The following CDK5RAP2 variants were observed in gnomAD, a reference collection of about 807,000 sequenced individuals.
CDK5RAP2 encodes the protein CDK5 regulatory subunit associated protein 2, also known as CDK5 regulatory subunit-associated protein 2.
A neutral mutation model predicts 232.9 loss-of-function variants in CDK5RAP2; 147 were observed. The observed-to-expected ratio is 0.63, with a 90% confidence interval of 0.55 to 0.72. CDK5RAP2 has a LOEUF of 0.72. Among genes scored for constraint, CDK5RAP2 ranks in the 30% least tolerant of loss-of-function variants. The pLI is 0.00. For missense variants in CDK5RAP2, 2,195 were observed against 2,231.5 expected, an observed-to-expected ratio of 0.98 and a Z score of 0.33; for synonymous variants, 833 against 833.7, an observed-to-expected ratio of 1.00 and a Z score of 0.01.
chr9:120,404,275 TG>T (rs1253553050), intron 32 of CDK5RAP2, among the ~76,000 whole-genome samples, 162 bp from the exon 33 acceptor site: 1 of 152,186 alleles, frequency 6.6e-6, no homozygotes, highest in Non-Finnish European at 1.5e-5. Flanking sequence ...CCCACCTTTG[TG>T]GGACACCAGG....
intron 12 of CDK5RAP2, among the ~76,000 whole-genome samples, chr9:120,496,319 C>T (rs2039231208): frequency 2.9e-5 from 4 of 135,914 alleles, no homozygotes; most frequent in South Asian, 2.5e-4. Context: ...CCGCCCCGTC[C>T]GGGAGGGAGG....
At chr9:120,544,147 CAT>C (rs2041747580) in intron 5 of CDK5RAP2, among the ~76,000 whole-genome samples, 3 of 152,260 alleles carry the variant, frequency 2.0e-5, no homozygotes, top group Non-Finnish European at 4.4e-5. Context: ...CACATATAAA[CAT>C]GTGCACAAGC....
In CDK5RAP2 at chr9:120,466,085, T is replaced by A. The variant is rs138136626; in HGVS notation, c.2106+1775A>T. 1.3e-3 allele frequency among the ~76,000 whole-genome samples: 202 copies of A among 152,320 alleles called. 2 individuals are homozygous for A. Among genetic ancestry groups the A allele is most frequent in the African/African-American group, 4.2e-3 (174 of 41,572 alleles). ...AAATATTGGAGAAAAAATACTGAATTTTAAAAATAAAAATATACTTGCTTT... is the reference window on the plus strand; with the variant it reads ...AAATATTGGAGAAAAAATACTGAATATTAAAAATAAAAATATACTTGCTTT... On this transcript the variant is annotated intron_variant, in intron 18 of 37. Coordinates refer to ENST00000349780, the MANE Select transcript of CDK5RAP2 (RefSeq NM_018249.6).
intron 8 of CDK5RAP2, 69 bp downstream of exon 8, chr9:120,529,909 G>A (rs764856287): frequency 8.6e-5 from 124 of 1,433,902 alleles, no homozygotes; most frequent in East Asian, 2.0e-4. Context: ...GACCGAATGC[G>A]CATTCCATCT....
chr9:120,388,995 C>G lies in CDK5RAP2; in HGVS notation c.*241G>C, dbSNP rs530015612. 3.4e-6 allele frequency: 2 copies of G among 587,264 alleles called. No individual in the cohort carries two copies. Among genetic ancestry groups the G allele is most frequent in the Non-Finnish European group, 6.0e-6 (2 of 331,474 alleles). 36.4% of individuals were successfully genotyped at this position (587,264 alleles called of 1,614,324 possible). ...CACAGCCTCAACTCCGGTGCCTGCC[C>G]CTGATCTGAAATACAACATCCAAGA... On this transcript the variant is annotated 3_prime_UTR_variant, in exon 38 of 38. Coordinates refer to ENST00000349780, the MANE Select transcript of CDK5RAP2 (RefSeq NM_018249.6).
At chr9:120,465,836 A>G (rs1340071093) in intron 18 of CDK5RAP2, among the ~76,000 whole-genome samples, 3 of 152,226 alleles carry the variant, frequency 2.0e-5, no homozygotes, top group Non-Finnish European at 4.4e-5. Context: ...GTTTCAGCAC[A>G]TTCATAAGAA....
chr9:120,528,348 C>G (rs2040998697), intron 9 of CDK5RAP2, among the ~76,000 whole-genome samples: 1 of 152,188 alleles, frequency 6.6e-6, no homozygotes, highest in African/African-American at 2.4e-5. Flanking sequence ...ACCTCTCTTC[C>G]GGGCTGTTGT....
intron 34 of CDK5RAP2, among the ~76,000 whole-genome samples, chr9:120,402,135 T>G (rs573652018): frequency 6.6e-6 from 1 of 151,866 alleles, no homozygotes; most frequent in South Asian, 2.1e-4. Context: ...CTAAAAAAAA[T>G]TTTTTTTAAA....
At chr9:120,520,761 AGATATATCTCAGATATCTCATG>A (rs1564332297) in intron 11 of CDK5RAP2, among the ~76,000 whole-genome samples, 3 of 120,062 alleles carry the variant, frequency 2.5e-5, no homozygotes, top group Non-Finnish European at 5.3e-5. Flanking sequence ...ATATCTCATG[AGATATATCTCAGATATCTCATG>A]AGATATATCT....
chr9:120,425,374 G>A (rs2034830121), intron 25 of CDK5RAP2, among the ~76,000 whole-genome samples: 1 of 152,178 alleles, frequency 6.6e-6, no homozygotes, highest in African/African-American at 2.4e-5. Flanking sequence ...ACAGGTAACA[G>A]GGTACCATCT....
chr9:120,514,496 C>G (rs1212821559), intron 12 of CDK5RAP2, among the ~76,000 whole-genome samples: 1 of 152,176 alleles, frequency 6.6e-6, no homozygotes, highest in Non-Finnish European at 1.5e-5. Flanking sequence ...TGTGGGAGTT[C>G]TTCTTCCTCT....
At chr9:120,477,478 TAAGGA>T in intron 14 of CDK5RAP2, 28 bp from the exon 15 acceptor site, 1 of 1,510,538 alleles carries the variant, frequency 6.6e-7, no homozygotes, top group Non-Finnish European at 9.2e-7. Context: ...CATTTGACAT[TAAGGA>T]AAGAATTTTG....
rs115681133 is a variant in CDK5RAP2, at chr9:120,490,098, C to T, written c.1482+1209G>A. ...CTGGAATTTCAGGCGTGAGCCACCA[C>T]GCCAGGCCATCTTTCCTCCTAAATT... On this transcript the variant is annotated intron_variant, in intron 13 of 37. Transcript: ENST00000349780. 5.6e-3 allele frequency among the ~76,000 whole-genome samples: 853 copies of T among 152,340 alleles called. 6 individuals carry two copies. Among genetic ancestry groups the T allele is most frequent in the Non-Finnish European group, 9.6e-3 (654 of 68,034 alleles).
At chr9:120,472,594 T>C (rs542551623) in intron 15 of CDK5RAP2, among the ~76,000 whole-genome samples, 1 of 152,130 alleles carries the variant, frequency 6.6e-6, no homozygotes, top group Admixed American at 6.5e-5. Flanking sequence ...GACTAATCTA[T>C]TAGGGGCCAA....
At chr9:120,515,225 T>C (rs770050676) in intron 12 of CDK5RAP2, among the ~76,000 whole-genome samples, 8 of 152,166 alleles carry the variant, frequency 5.3e-5, no homozygotes, top group Non-Finnish European at 7.3e-5. Context: ...GAATTGACTA[T>C]GAAACATGCA....
At chr9:120,400,647 G>A in intron 35 of CDK5RAP2, 95 bp downstream of exon 35, 10 of 1,478,690 alleles carry the variant, frequency 6.8e-6, no homozygotes, top group Non-Finnish European at 9.4e-6. Flanking sequence ...CAAATGGTGG[G>A]CACATCTGCT....
intron 14 of CDK5RAP2, among the ~76,000 whole-genome samples, chr9:120,481,961 T>C (rs985355707): frequency 5.3e-5 from 8 of 152,212 alleles, no homozygotes; most frequent in African/African-American, 1.7e-4. Flanking sequence ...GCTGTTACTA[T>C]TATTCTTATG....
At chr9:120,396,339 C>T (rs1430776474) in intron 35 of CDK5RAP2, among the ~76,000 whole-genome samples, 1 of 152,268 alleles carries the variant, frequency 6.6e-6, no homozygotes, top group Non-Finnish European at 1.5e-5. Flanking sequence ...AGTCTCTCTA[C>T]AGTCAACGCC....
intron 12 of CDK5RAP2, among the ~76,000 whole-genome samples, chr9:120,505,588 G>T (rs772149262): frequency 5.3e-4 from 80 of 152,196 alleles, no homozygotes; most frequent in Non-Finnish European, 9.6e-4. Flanking sequence ...CAAAAGCTAG[G>T]CCTCTTGCAC....
Sources: gnomAD v4.1 joint callset for allele counts (sites outside exome capture counted in the v4.1 genomes callset) on GRCh38, gnomAD v4.1.1 for gene constraint, MANE v1.5 for transcripts, NCBI Gene and HGNC (gene_info 2026-07-23, HGNC 2026-07-21) for gene names.